Variants in YIPF1 observed in about 807,000 individuals in gnomAD.
YIPF1 encodes protein YIPF1.
YIPF1 carries 22 observed loss-of-function variants against 37.0 expected under a neutral mutation model. The ratio of observed to expected loss-of-function variants is 0.59; its 90% CI spans 0.42 to 0.85. The LOEUF (loss-of-function observed/expected upper bound fraction) is 0.85, where lower values mean the gene tolerates loss of function less well. YIPF1 is among the 40% of genes least tolerant of loss of function. YIPF1 has a pLI of 0.00. For missense variants in YIPF1, 355 were observed against 373.1 expected, an observed-to-expected ratio of 0.95 and a Z score of 0.40; for synonymous variants, 128 against 131.9, an observed-to-expected ratio of 0.97 and a Z score of 0.21.
chr1:53,873,046 G>A (rs536923463), intron 6 of YIPF1, among the ~76,000 whole-genome samples: 9 of 152,214 alleles, frequency 5.9e-5, no homozygotes, highest in African/African-American at 2.2e-4. Flanking sequence ...GACCACAAGT[G>A]GCCAAAATAT....
intron 8 of YIPF1, among the ~76,000 whole-genome samples, 186 bp from the exon 9 acceptor site, chr1:53,866,568 G>T (rs1640934512): frequency 1.3e-5 from 2 of 152,032 alleles, no homozygotes; most frequent in Non-Finnish European, 2.9e-5. Context: ...ATAACAAAGG[G>T]CCCAAGATCC....
At chr1:53,872,587 AT>A (rs993235828) in intron 6 of YIPF1, among the ~76,000 whole-genome samples, 1 of 152,212 alleles carries the variant, frequency 6.6e-6, no homozygotes, top group African/African-American at 2.4e-5. Context: ...AGATTGAGAG[AT>A]TTTAATAAAT....
rs574335660 is a variant in YIPF1, at chr1:53,872,228, C to A, written c.365-740G>T. Among the ~76,000 whole-genome samples the A allele has an allele frequency of 5.3e-5, 8 of 152,220 alleles. No homozygotes were observed. The East Asian group carries it at 1.5e-3, about 29-fold the overall frequency. On this transcript the variant is annotated intron_variant, in intron 6 of 10. Transcript: ENST00000072644. Reference sequence around the variant, plus strand: ...TCTGTGCCCCGGCTCTCTATCTTTCCTCCCTAAAGCTCACCAAAGTAAGCA... The same window carrying A: ...TCTGTGCCCCGGCTCTCTATCTTTCATCCCTAAAGCTCACCAAAGTAAGCA...
At chr1:53,886,970 T>C (rs1014112074) in intron 3 of YIPF1, among the ~76,000 whole-genome samples, 1 of 151,904 alleles carries the variant, frequency 6.6e-6, no homozygotes, top group African/African-American at 2.4e-5. Context: ...TGACAGCCCA[T>C]GCAGCTTGGG....
chr1:53,873,734 C>G (rs1478340714), intron 6 of YIPF1, among the ~76,000 whole-genome samples: 2 of 151,890 alleles, frequency 1.3e-5, no homozygotes, highest in Non-Finnish European at 2.9e-5. Context: ...TGGCTCACAC[C>G]TATAATCCCA....
At chr1:53,874,106 C>T (rs1009385646) in intron 6 of YIPF1, among the ~76,000 whole-genome samples, 3 of 152,124 alleles carry the variant, frequency 2.0e-5, no homozygotes, top group Non-Finnish European at 2.9e-5. Context: ...CATCCCTCTC[C>T]CCCGTTTGCA....
chr1:53,871,299 G>A, intron 7 of YIPF1, 73 bp downstream of exon 7: 1 of 1,343,634 alleles, frequency 7.4e-7, no homozygotes, highest in South Asian at 1.2e-5. Flanking sequence ...ATGGGGCCCA[G>A]GAGCTCAGTG....
intron 9 of YIPF1, among the ~76,000 whole-genome samples, chr1:53,865,525 C>T (rs1045313805): frequency 1.3e-5 from 2 of 152,078 alleles, no homozygotes; most frequent in Non-Finnish European, 2.9e-5. Context: ...TGTCTGTACA[C>T]CATTTTTATA....
intron 6 of YIPF1, among the ~76,000 whole-genome samples, chr1:53,878,093 C>T (rs1355132932): frequency 1.3e-5 from 2 of 152,186 alleles, no homozygotes; most frequent in African/African-American, 4.8e-5. Flanking sequence ...CATTTAAAGA[C>T]CTTTGAAGGA....
Position 53,866,292 on chromosome 1 carries a change from A to G in YIPF1, c.739T>C (p.Trp247Arg). 1 of 1,614,214 alleles carries G rather than the reference A, an allele frequency of 6.2e-7. No homozygotes were observed. Among genetic ancestry groups the G allele is most frequent in the East Asian group, 2.2e-5 (1 of 44,882 alleles). ...CGGTTATCCTCACGAACAGCTGGCC[A>G]AAATGTCATTGCCAAGAGAGATCCT... is the stretch of plus-strand genomic sequence containing the variant. ...ISGSLLAMTF[W>R]PAVREDNRRV... is the part of the protein sequence containing the mutation. Residue 247 changes from tryptophan to arginine, a missense_variant, in exon 9 of 11, where the codon TGG (tryptophan) becomes CGG (arginine). By Grantham distance (101) the Trp-to-Arg change is moderately radical. Transcript: ENST00000072644.
At chr1:53,877,629 C>T (rs531313582) in intron 6 of YIPF1, among the ~76,000 whole-genome samples, 4 of 152,230 alleles carry the variant, frequency 2.6e-5, no homozygotes, top group African/African-American at 4.8e-5. Context: ...TTTAGACTTC[C>T]ACTGCTGGTG....
chr1:53,887,868 G>A (rs1452084414), intron 3 of YIPF1, among the ~76,000 whole-genome samples: 1 of 152,132 alleles, frequency 6.6e-6, no homozygotes, highest in South Asian at 2.1e-4. Context: ...GTTGACATAA[G>A]GATTATCTGT....
At chr1:53,864,363 T>C (rs1649964782) in intron 9 of YIPF1, among the ~76,000 whole-genome samples, 1 of 152,270 alleles carries the variant, frequency 6.6e-6, no homozygotes, top group Admixed American at 6.5e-5. Context: ...AGTGTCATTC[T>C]GCCATGAGTC....
intron 4 of YIPF1, among the ~76,000 whole-genome samples, chr1:53,880,704 A>C (rs771386353): frequency 3.3e-5 from 5 of 152,188 alleles, no homozygotes; most frequent in Non-Finnish European, 5.9e-5. Flanking sequence ...GTACTGGTAC[A>C]AGAACAGACA....
chr1:53,859,489 C>A (rs1557601533), intron 10 of YIPF1, among the ~76,000 whole-genome samples: 1 of 152,012 alleles, frequency 6.6e-6, no homozygotes. Context: ...CATGGTGAAA[C>A]CCCATCTCTA....
At chr1:53,856,227 G>A (rs187758148) in intron 10 of YIPF1, among the ~76,000 whole-genome samples, 17 of 152,320 alleles carry the variant, frequency 1.1e-4, no homozygotes, top group East Asian at 7.7e-4. Flanking sequence ...GCGCAGAGGC[G>A]TCAAATCTGT....
chr1:53,857,619 C>T (rs1649753353), intron 10 of YIPF1, among the ~76,000 whole-genome samples: 1 of 152,182 alleles, frequency 6.6e-6, no homozygotes, highest in East Asian at 1.9e-4. Flanking sequence ...TCAGCCCAGC[C>T]TTCTCATCTA....
At chr1:53,885,996 T>C (rs948840612) in intron 3 of YIPF1, among the ~76,000 whole-genome samples, 3 of 151,708 alleles carry the variant, frequency 2.0e-5, no homozygotes, top group Admixed American at 6.6e-5. Flanking sequence ...TACATACCCA[T>C]GAAAATTAAA....
chr1:53,853,830 A>G (rs912614732), intron 10 of YIPF1, among the ~76,000 whole-genome samples: 1 of 152,250 alleles, frequency 6.6e-6, no homozygotes, highest in Non-Finnish European at 1.5e-5. Context: ...AGGTAGGGAC[A>G]AACGGGCCCA....
Sources: gnomAD v4.1 joint callset for allele counts (sites outside exome capture counted in the v4.1 genomes callset) on GRCh38, gnomAD v4.1.1 for gene constraint, MANE v1.5 for transcripts, NCBI Gene and HGNC (gene_info 2026-07-23, HGNC 2026-07-21) for gene names.